The following MGRN1 variants were observed in gnomAD, a reference collection of about 807,000 sequenced individuals.
MGRN1 encodes E3 ubiquitin-protein ligase MGRN1.
Under a neutral mutation model 69.2 loss-of-function variants are expected in MGRN1, and 29 were observed. The observed-to-expected ratio is 0.42, with a 90% CI of 0.31 to 0.57. The LOEUF (loss-of-function observed/expected upper bound fraction) is 0.57. Among genes scored for constraint, MGRN1 ranks in the 20% least tolerant of loss-of-function variants. MGRN1 has a pLI of 0.15. For missense variants in MGRN1, 998 were observed against 796.2 expected, an observed-to-expected ratio of 1.25 and a Z score of -3.05; for synonymous variants, 470 against 344.2, an observed-to-expected ratio of 1.37 and a Z score of -4.04.
In MGRN1 at chr16:4,681,650, A is replaced by T; in HGVS notation, c.1232A>T (p.Tyr411Phe). The T allele has an allele frequency of 6.2e-7, 1 of 1,613,456 alleles. No individual in the cohort carries two copies. Among genetic ancestry groups the T allele is most frequent in the Non-Finnish European group, 8.5e-7 (1 of 1,180,010 alleles). Residue 411 changes from tyrosine (Y) to phenylalanine (F), a missense_variant, in exon 13 of 17, where the codon TAT becomes TTT. Physicochemically the swap from Tyr to Phe is conservative, Grantham distance 22. Transcript: ENST00000262370. ...CCGGCCATCCCCTCGGCCCCTCTTT[A>T]TGAAGAAATCACCTATTCAGGCATC... The part of the protein sequence containing the change: ...VSPAIPSAPL[Y>F]EEITYSGISD...
chr16:4,642,911 C>T (rs953391547), intron 1 of MGRN1, among the ~76,000 whole-genome samples: 3 of 151,926 alleles, frequency 2.0e-5, no homozygotes, highest in East Asian at 1.9e-4. Context: ...CTCAGCCTCC[C>T]GAGTACCTTG....
chr16:4,680,290 C>T (rs907727689), intron 12 of MGRN1, 193 bp downstream of exon 12: 9 of 576,114 alleles, frequency 1.6e-5, no homozygotes, highest in Non-Finnish European at 2.7e-5. Flanking sequence ...GTGGGCGAAA[C>T]GCCAGGTGCG....
intron 1 of MGRN1, among the ~76,000 whole-genome samples, chr16:4,638,293 C>T (rs992907006): frequency 2.6e-5 from 4 of 151,916 alleles, no homozygotes; most frequent in Admixed American, 6.6e-5. Flanking sequence ...GGTGAAACTC[C>T]GTCTCTACTA....
intron 6 of MGRN1, 22 bp downstream of exon 6, chr16:4,664,797 C>T (rs778862039): frequency 3.7e-6 from 6 of 1,613,590 alleles, no homozygotes; most frequent in African/African-American, 2.7e-5. Flanking sequence ...CTCTTCCGTC[C>T]TCCTGGGCGT....
Position 4,673,631 on chromosome 16 carries a change from C to T in MGRN1, c.929C>T (p.Ala310Val), listed in dbSNP as rs749852307. 6.2e-7 allele frequency: 1 copy of T among 1,613,388 alleles called. No homozygotes were observed. The highest frequency in any genetic ancestry group is 1.1e-5 in the South Asian group (1 of 91,060). Residue 310 changes from alanine to valine, a missense_variant, in exon 10 of 17, where the codon GCC becomes GTC. Ala to Val is a moderately conservative substitution (Grantham distance 64). Coordinates refer to ENST00000262370, the MANE Select transcript of MGRN1 (RefSeq NM_015246.4). ...TGCGCCGACACGCTGCGCTACCAGGCCAACAACTGCCCCATCTGCCGGCTG... is the reference window on the plus strand; with the variant it reads ...TGCGCCGACACGCTGCGCTACCAGGTCAACAACTGCCCCATCTGCCGGCTG... Reference protein sequence around the residue: ...TSCADTLRYQANNCPICRLPF... With the variant: ...TSCADTLRYQVNNCPICRLPF...
At chr16:4,678,981 G>A (rs899271491) in intron 11 of MGRN1, among the ~76,000 whole-genome samples, 1 of 152,232 alleles carries the variant, frequency 6.6e-6, no homozygotes, top group Non-Finnish European at 1.5e-5. Context: ...CCCAGATTTT[G>A]GGTTTGTCTT....
chr16:4,661,653 A>T (rs2078684229), intron 5 of MGRN1, among the ~76,000 whole-genome samples: 1 of 152,234 alleles, frequency 6.6e-6, no homozygotes, highest in South Asian at 2.1e-4. Context: ...TTCCTCACTA[A>T]CAGAGACCAC....
chr16:4,686,160 C>G (rs955496275), intron 16 of MGRN1: 4 of 1,406,380 alleles, frequency 2.8e-6, no homozygotes, highest in African/African-American at 2.9e-5. Context: ...TCTAGACGGC[C>G]TCGACCGTGT....
chr16:4,687,189 T>C (rs1365388380), intron 16 of MGRN1: 1 of 967,518 alleles, frequency 1.0e-6, no homozygotes, highest in African/African-American at 1.9e-5. Context: ...GGAGGCCCTG[T>C]GAGGTTGGCA....
chr16:4,678,144 C>T (rs2079094469), intron 11 of MGRN1, among the ~76,000 whole-genome samples: 1 of 152,206 alleles, frequency 6.6e-6, no homozygotes. Flanking sequence ...ACCGCCTCCA[C>T]CCCGTGGTTC....
intron 16 of MGRN1, among the ~76,000 whole-genome samples, chr16:4,685,948 C>A (rs114612115): frequency 3.3e-5 from 5 of 152,186 alleles, no homozygotes; most frequent in South Asian, 4.1e-4. Flanking sequence ...CTCAGCCCCC[C>A]ACCCAGGGCC....
rs367998857 is a variant in MGRN1, at chr16:4,665,095, C to T, written c.629-7C>T. On this transcript the variant is annotated splice_region_variant and splice_polypyrimidine_tract_variant and intron_variant, in intron 6 of 16. Coordinates refer to ENST00000262370, the MANE Select transcript of MGRN1 (RefSeq NM_015246.4). ...CTCTGACTACTCTGCCCCTCTCTCC[C>T]CAGCAGTGGTGGAAGTGACTGGCCA... is the stretch of plus-strand genomic sequence containing the variant. The T allele has an allele frequency of 2.5e-6, 4 of 1,614,214 alleles. No homozygotes were observed. The South Asian group carries it at 4.4e-5, about 18-fold the overall frequency.
chr16:4,645,320 C>G (rs1355568197), intron 1 of MGRN1, among the ~76,000 whole-genome samples: 1 of 152,030 alleles, frequency 6.6e-6, no homozygotes, highest in African/African-American at 2.4e-5. Flanking sequence ...GCATGCGCTG[C>G]CATGCCCAGC....
chr16:4,684,705 C>T (rs80037070), intron 16 of MGRN1, among the ~76,000 whole-genome samples: 2,427 of 152,366 alleles, frequency 0.016, 32 homozygotes, highest in Non-Finnish European at 0.025. Context: ...GAATCCTAAG[C>T]TCTAAAGACC....
chr16:4,670,801 T>C lies in MGRN1; in HGVS notation c.727-590T>C, dbSNP rs73521411. Reference sequence around the variant, plus strand: ...CCCCAGTGATGGTCAGGGCCTTGTGTTGAGAGAGCTGACCAGCAGGCCCTG... The same window carrying C: ...CCCCAGTGATGGTCAGGGCCTTGTGCTGAGAGAGCTGACCAGCAGGCCCTG... On this transcript the variant is annotated intron_variant, in intron 8 of 16. Transcript: ENST00000262370. Among the ~76,000 whole-genome samples the C allele has an allele frequency of 9.9e-3, 1,509 of 152,306 alleles. 24 individuals are homozygous for C. The highest frequency in any genetic ancestry group is 0.034 in the African/African-American group (1,427 of 41,576).
At chr16:4,634,700 T>G (rs1343324158) in intron 1 of MGRN1, 1 of 152,514 alleles carries the variant, frequency 6.6e-6, no homozygotes, top group East Asian at 1.9e-4. Context: ...TGAGCGAGTG[T>G]TCGGTCATTT....
chr16:4,629,478 C>T (rs537883276), intron 1 of MGRN1, among the ~76,000 whole-genome samples: 3 of 152,146 alleles, frequency 2.0e-5, no homozygotes, highest in South Asian at 2.1e-4. Flanking sequence ...TGGTGGCTCA[C>T]GCCTGTAATC....
intron 1 of MGRN1, among the ~76,000 whole-genome samples, chr16:4,627,868 C>T (rs1183659962): frequency 6.6e-6 from 1 of 150,860 alleles, no homozygotes; most frequent in African/African-American, 2.5e-5. Context: ...ATCACAAGGT[C>T]AGGAGATCAA....
chr16:4,642,678 T>G (rs2078187558), intron 1 of MGRN1, among the ~76,000 whole-genome samples: 2 of 152,030 alleles, frequency 1.3e-5, no homozygotes, highest in Admixed American at 1.3e-4. Flanking sequence ...CAGGCTGGTC[T>G]TCAACTCCTG....
Sources: allele counts gnomAD v4.1 joint callset (sites outside exome capture counted in the v4.1 genomes callset), GRCh38; gene constraint gnomAD v4.1.1; transcripts MANE v1.5; gene names NCBI Gene and HGNC (gene_info 2026-07-23, HGNC 2026-07-21).